The following RSRC2 variants were observed in gnomAD, a reference collection of about 807,000 sequenced individuals.
RSRC2 encodes the protein arginine/serine-rich coiled-coil protein 2.
A neutral mutation model predicts 61.3 loss-of-function variants in RSRC2; 5 were observed. The ratio of observed to expected loss-of-function variants is 0.08; its 90% CI spans 0.04 to 0.17. The LOEUF (loss-of-function observed/expected upper bound fraction) is 0.17. Among genes scored for constraint, RSRC2 ranks in the 10% least tolerant of loss-of-function variants. The pLI, the probability that RSRC2 is intolerant of heterozygous loss-of-function variation, is 1.00. For synonymous variants in RSRC2, 202 were observed against 166.5 expected (o/e 1.21, Z -1.64); for missense variants, 381 against 518.8 (o/e 0.73, Z 2.58).
chr12:122,511,627 A>G (rs1349177422), intron 6 of RSRC2, among the ~76,000 whole-genome samples: 4 of 152,210 alleles, frequency 2.6e-5, no homozygotes, highest in Admixed American at 2.0e-4. Flanking sequence ...ACCTTAGTAA[A>G]GTCTTCAATT....
intron 1 of RSRC2, chr12:122,523,508 G>A (rs1959553743): frequency 6.6e-6 from 1 of 152,210 alleles, no homozygotes; most frequent in Admixed American, 6.5e-5. Context: ...GAATGTGACA[G>A]AGACTGCACA....
At chr12:122,515,916 G>A (rs1426970428) in intron 5 of RSRC2, among the ~76,000 whole-genome samples, 1 of 152,134 alleles carries the variant, frequency 6.6e-6, no homozygotes, top group East Asian at 1.9e-4. Flanking sequence ...TTGAACCCAG[G>A]AGGCAGAGGT....
chr12:122,521,640 G>A (rs1274129888), intron 2 of RSRC2, among the ~76,000 whole-genome samples: 1 of 152,120 alleles, frequency 6.6e-6, no homozygotes, highest in Non-Finnish European at 1.5e-5. Context: ...AAGCAGCCTA[G>A]ATACATCTTT....
chr12:122,513,244 T>TAAA (rs62828961), intron 6 of RSRC2, among the ~76,000 whole-genome samples: 1 of 47,104 alleles, frequency 2.1e-5, no homozygotes, highest in African/African-American at 4.2e-5. Context: ...AATAAATAAA[T>TAAA]AAAATAAAAT....
rs771017792 is a variant in RSRC2, at chr12:122,526,880, G to C, written c.-27C>G. On this transcript the variant is annotated 5_prime_UTR_variant, in exon 1 of 10. Coordinates refer to ENST00000331738, the MANE Select transcript of RSRC2 (RefSeq NM_023012.6). ...GTTCAGAGTCCCGGCCGCTAGAGCG[G>C]CGCCTCCACTTGTCGCTTTCAACAG... 6.2e-7 allele frequency: 1 copy of C among 1,614,140 alleles called. No individual in the cohort carries two copies.
At chr12:122,512,538 G>A (rs775976977) in intron 6 of RSRC2, among the ~76,000 whole-genome samples, 6 of 152,148 alleles carry the variant, frequency 3.9e-5, no homozygotes, top group Admixed American at 3.3e-4. Flanking sequence ...GTCCAGCTTG[G>A]TTATTAACAT....
Position 122,504,919 on chromosome 12 carries a change from G to A in RSRC2, c.*608C>T, listed in dbSNP as rs1254585996. The A allele has an allele frequency of 6.6e-6, 1 of 152,588 alleles. No homozygotes were observed. The highest frequency in any genetic ancestry group is 1.5e-5 in the Non-Finnish European group (1 of 68,058). The allele number at this position is 152,588 out of a possible 1,614,324, so 9.5% of individuals were successfully genotyped here. The stretch of plus-strand genomic sequence containing the variant: ...TTTGCTCACCACGGTATTGACTGTA[G>A]TATAGTTAACTGGCCTTAAAAAGGG... On this transcript the variant is annotated 3_prime_UTR_variant, in exon 10 of 10. Transcript: ENST00000331738.
At position 122,503,562 on chromosome 12, in the gene RSRC2, G is replaced by GAAGCTT. The variant is rs1371399824; in HGVS notation, c.*1959_*1964dup. 2.0e-4 allele frequency: 30 copies of GAAGCTT among 152,310 alleles called. No homozygotes were observed. Among genetic ancestry groups the GAAGCTT allele is most frequent in the African/African-American group, 7.2e-4 (30 of 41,536 alleles). 9.4% of individuals were successfully genotyped at this position (152,310 alleles called of 1,614,324 possible). ...TCCTAAAATAACTGTAGACACACAG[G>GAAGCTT]AAGCTTTTGCGTCCACACTGCCTTA... is the stretch of plus-strand genomic sequence containing the variant. On this transcript the variant is annotated 3_prime_UTR_variant, in exon 10 of 10. Transcript: ENST00000331738.
At chr12:122,506,515 T>C in intron 9 of RSRC2, 1 of 224,188 alleles carries the variant, frequency 4.5e-6, no homozygotes, top group Non-Finnish European at 8.7e-6. Context: ...GAGGCCGAGG[T>C]GGAAGGACTG....
At chr12:122,520,737 CCCA>C in intron 3 of RSRC2, 1 of 385,002 alleles carries the variant, frequency 2.6e-6, no homozygotes, top group Non-Finnish European at 5.0e-6. Flanking sequence ...TTACCCAGCC[CCCA>C]CAAGACTCTT....
At chr12:122,508,093 C>T (rs561685361) in intron 8 of RSRC2, 125 bp downstream of exon 8, 19 of 841,334 alleles carry the variant, frequency 2.3e-5, no homozygotes, top group Middle Eastern at 3.3e-4. Flanking sequence ...ATAAGCCACC[C>T]GCGTCTGGCC....
At chr12:122,520,840 G>A (rs952026000) in intron 3 of RSRC2, 1 of 252,250 alleles carries the variant, frequency 4.0e-6, no homozygotes, top group African/African-American at 2.3e-5. Flanking sequence ...TTGCAATACA[G>A]CTGCTGCCTT....
intron 6 of RSRC2, chr12:122,514,848 T>C: frequency 1.4e-6 from 1 of 701,048 alleles, no homozygotes; most frequent in Admixed American, 3.9e-5. Context: ...TGAAAATATT[T>C]GGGAGTCTAA....
chr12:122,515,371 C>G, intron 5 of RSRC2, 144 bp from the exon 6 acceptor site: 1 of 757,878 alleles, frequency 1.3e-6, no homozygotes, highest in Non-Finnish European at 2.1e-6. Context: ...ATCAGTGTTA[C>G]AGCTGAACTC....
chr12:122,517,412 G>A lies in RSRC2; in HGVS notation c.417C>T (p.Ser139=), dbSNP rs754747642. Residue 139 remains serine (S), a synonymous_variant, in exon 5 of 10, where the codon AGC becomes AGT. Coordinates refer to ENST00000331738, the MANE Select transcript of RSRC2 (RefSeq NM_023012.6). ...RSRERRHRSR[S]RERKKSRSRS... Reference sequence around the variant, plus strand: ...TGGATCGAGACTTCTTCCGCTCCCTGCTTCTACTACGATGGCGTCTGAAAT... The same window carrying A: ...TGGATCGAGACTTCTTCCGCTCCCTACTTCTACTACGATGGCGTCTGAAAT... 5 of 1,614,056 alleles carry A rather than the reference G, an allele frequency of 3.1e-6. No homozygotes were observed. Among genetic ancestry groups the A allele is most frequent in the Non-Finnish European group, 4.2e-6 (5 of 1,179,996 alleles).
intron 5 of RSRC2, among the ~76,000 whole-genome samples, chr12:122,515,766 G>GA (rs1283518913): frequency 6.6e-6 from 1 of 152,194 alleles, no homozygotes; most frequent in African/African-American, 2.4e-5. Flanking sequence ...CAGGCGGACA[G>GA]ATGACCTGAG....
At chr12:122,507,899 C>A (rs868760576) in intron 8 of RSRC2, 29 of 386,112 alleles carry the variant, frequency 7.5e-5, no homozygotes, top group Non-Finnish European at 3.0e-5. Context: ...ATCCCAGGCT[C>A]AAGCGATTCT....
At chr12:122,507,551 T>A (rs565820924) in intron 8 of RSRC2, among the ~76,000 whole-genome samples, 1 of 151,958 alleles carries the variant, frequency 6.6e-6, no homozygotes, top group East Asian at 1.9e-4. Flanking sequence ...CTAAACCAAG[T>A]AGCCTCTTTT....
At chr12:122,520,286 G>C (rs1041364718) in intron 3 of RSRC2, 1 of 271,832 alleles carries the variant, frequency 3.7e-6, no homozygotes, top group South Asian at 3.4e-5. Context: ...TTCATTGCCA[G>C]TTCTCTATAG....
Sources: gnomAD v4.1 joint callset for allele counts (sites outside exome capture counted in the v4.1 genomes callset) on GRCh38, gnomAD v4.1.1 for gene constraint, MANE v1.5 for transcripts, NCBI Gene and HGNC (gene_info 2026-07-23, HGNC 2026-07-21) for gene names.